The following AGBL2 variants were observed in gnomAD, a reference collection of about 807,000 sequenced individuals.
AGBL2 encodes cytosolic carboxypeptidase 2.
In AGBL2, 87 loss-of-function variants were observed where a neutral mutation model predicts 103.0. The observed-to-expected ratio is 0.84, with a 90% CI of 0.71 to 1.01. AGBL2 has a LOEUF of 1.01. AGBL2 is among the 50% of genes least tolerant of loss of function. The pLI, the probability that AGBL2 is intolerant of heterozygous loss-of-function variation, is 0.00. For missense variants in AGBL2, 904 were observed against 1,023.5 expected, an observed-to-expected ratio of 0.88 and a Z score of 1.59; for synonymous variants, 335 against 356.7, an observed-to-expected ratio of 0.94 and a Z score of 0.69.
Position 47,705,641 on chromosome 11 carries a change from CA to C in AGBL2, c.287-8del, listed in dbSNP as rs71228117. 0.09 allele frequency: 36,472 copies of C among 406,720 alleles called. 2 individuals are homozygous for C. Among genetic ancestry groups the C allele is most frequent in the South Asian group, 0.13 (4,248 of 31,484 alleles). 25.2% of individuals were successfully genotyped at this position (406,720 alleles called of 1,614,324 possible). ...CCCAGGCAAGAGTGAAAGTCTGTGTCAAAAAAAAAAAAAAAAGAAAAAGAAA... is the reference window on the plus strand; with the variant it reads ...CCCAGGCAAGAGTGAAAGTCTGTGTCAAAAAAAAAAAAAAAGAAAAAGAAA... On this transcript the variant is annotated splice_polypyrimidine_tract_variant and splice_region_variant and intron_variant, in intron 5 of 18. Coordinates refer to ENST00000525123, the MANE Select transcript of AGBL2 (RefSeq NM_024783.4).
rs372040697 is a variant in AGBL2 at position 47,690,411 on chromosome 11, A to G, written c.1296T>C (p.Asn432=). 6.2e-7 allele frequency: 1 copy of G among 1,614,044 alleles called. No homozygotes were observed. Among genetic ancestry groups the G allele is most frequent in the African/African-American group, 1.3e-5 (1 of 74,924 alleles). Residue 432 remains asparagine, a synonymous_variant, in exon 10 of 19, where the codon AAT becomes AAC. Coordinates refer to ENST00000525123, the MANE Select transcript of AGBL2 (RefSeq NM_024783.4). The part of the protein sequence containing the change: ...LQTLCRSLAG[N]TVYLLTITNP... ...TGGTGATGGTGAGCAAGTAAACGGTATTTCCTGCTAGGCTCCTGCATAAAG... is the reference window on the plus strand; with the variant it reads ...TGGTGATGGTGAGCAAGTAAACGGTGTTTCCTGCTAGGCTCCTGCATAAAG...
intron 6 of AGBL2, chr11:47,705,285 G>A (rs773201315): frequency 1.3e-5 from 2 of 151,366 alleles, no homozygotes; most frequent in Non-Finnish European, 2.9e-5. Context: ...GCAGAAGAGA[G>A]GAAGAGCTCT....
rs1599086029 is a variant in AGBL2 at position 47,705,585 on chromosome 11, C to A, written c.336G>T (p.Leu112=). The part of the protein sequence containing the change: ...GWMQWRGLSS[L]QPPPPRFKDS... The stretch of plus-strand genomic sequence containing the variant: ...CCTTGAATCTGGGAGGTGGAGGTTG[C>A]AGTGAGCTGAGGCCGCGCCACTGCA... Residue 112 remains leucine, a synonymous_variant, in exon 6 of 19, where the codon CTG becomes CTT. Coordinates refer to ENST00000525123, the MANE Select transcript of AGBL2 (RefSeq NM_024783.4). 2.1e-6 allele frequency: 1 copy of A among 474,806 alleles called. No homozygotes were observed. Among genetic ancestry groups the A allele is most frequent in the Admixed American group, 3.5e-5 (1 of 28,632 alleles). 29.4% of individuals were successfully genotyped at this position (474,806 alleles called of 1,614,324 possible). A position where few individuals can be genotyped will look rare whatever the true frequency, so the allele number is the denominator to read the frequency against.
intron 4 of AGBL2, among the ~76,000 whole-genome samples, chr11:47,708,858 G>A (rs1314365732): frequency 1.3e-5 from 2 of 149,990 alleles, no homozygotes; most frequent in African/African-American, 4.9e-5. Context: ...GTGTTGGCTC[G>A]CACCTGTAAT....
At chr11:47,685,870 A>G in intron 11 of AGBL2, 23 bp downstream of exon 11, 2 of 1,608,194 alleles carry the variant, frequency 1.2e-6, no homozygotes, top group East Asian at 2.2e-5. Flanking sequence ...CTCAATGGAG[A>G]GAAAATTACA....
chr11:47,713,808 C>G (rs991832289), intron 3 of AGBL2, among the ~76,000 whole-genome samples: 8 of 151,724 alleles, frequency 5.3e-5, no homozygotes, highest in Non-Finnish European at 1.0e-4. Context: ...CCAGGATGGT[C>G]TCGATCTCCT....
intron 15 of AGBL2, among the ~76,000 whole-genome samples, chr11:47,668,065 CG>C (rs2097346256): frequency 1.3e-5 from 2 of 151,912 alleles, no homozygotes; most frequent in Non-Finnish European, 2.9e-5. Flanking sequence ...TAAAATTAGC[CG>C]GGTGAGGTGG....
At chr11:47,704,755 A>C in intron 6 of AGBL2, 27 bp from the exon 7 acceptor site, 1 of 1,594,262 alleles carries the variant, frequency 6.3e-7, no homozygotes, top group Non-Finnish European at 8.6e-7. Context: ...GAGTAAGTGA[A>C]CATCTTCCTT....
rs748043244 is a variant in AGBL2, at chr11:47,690,477, C to A, written c.1230G>T (p.Val410=). ...ACTGAGACTGGATAGGGTTGTTTGCCACTGACAGGAGGTAGCATTGCAAAT... is the reference window on the plus strand; with the variant it reads ...ACTGAGACTGGATAGGGTTGTTTGCAACTGACAGGAGGTAGCATTGCAAAT... ...YTDLQCYLLS[V]ANNPIQSQFC... is the part of the protein sequence containing the mutation. The change falls in exon 10 of 19, where the codon GTG becomes GTT. Residue 410 remains valine, a synonymous_variant. Coordinates refer to ENST00000525123, the MANE Select transcript of AGBL2 (RefSeq NM_024783.4). 33 of 1,613,954 alleles carry A rather than the reference C, an allele frequency of 2.0e-5. No individual in the cohort carries two copies. The highest frequency in any genetic ancestry group is 2.5e-5 in the Non-Finnish European group (30 of 1,180,020).
At chr11:47,663,408 C>T in intron 17 of AGBL2, among the ~76,000 whole-genome samples, 1 of 152,124 alleles carries the variant, frequency 6.6e-6, no homozygotes, top group South Asian at 2.1e-4. Context: ...CTTAGTAACC[C>T]CAGGGTGGTC....
chr11:47,674,453 G>A (rs1269596173), intron 14 of AGBL2, among the ~76,000 whole-genome samples: 1 of 151,542 alleles, frequency 6.6e-6, no homozygotes, highest in Non-Finnish European at 1.5e-5. Flanking sequence ...TGTAGTCCCA[G>A]CTACTTGAGG....
Position 47,689,302 on chromosome 11 carries a change from A to ATT in AGBL2, c.1631+772_1631+773dup, listed in dbSNP as rs397741033. On this transcript the variant is annotated intron_variant, in intron 10 of 18. Coordinates refer to ENST00000525123, the MANE Select transcript of AGBL2 (RefSeq NM_024783.4). ...AGTTACTTAACCTACCCACTTCTCAATTTTTTTTTTTTTTTTTTTTGAGAT... is the reference window on the plus strand; with the variant it reads ...AGTTACTTAACCTACCCACTTCTCAATTTTTTTTTTTTTTTTTTTTTTGAGAT... Among the ~76,000 whole-genome samples the ATT allele has an allele frequency of 1.5e-3, 186 of 126,202 alleles. 5 individuals carry two copies. The highest frequency in any genetic ancestry group is 4.4e-3 in the Middle Eastern group (1 of 228). 82.8% of individuals were successfully genotyped at this position (126,202 alleles called of 152,430 possible).
chr11:47,693,127 GTTTC>G (rs1302317556), intron 8 of AGBL2, among the ~76,000 whole-genome samples: 1 of 151,814 alleles, frequency 6.6e-6, no homozygotes, highest in Non-Finnish European at 1.5e-5. Flanking sequence ...GCAGATACCT[GTTTC>G]TTTCTTTCTT....
At chr11:47,672,447 T>C (rs1287246807) in intron 14 of AGBL2, among the ~76,000 whole-genome samples, 3 of 152,220 alleles carry the variant, frequency 2.0e-5, no homozygotes, top group South Asian at 2.1e-4. Flanking sequence ...CCCAAGTAGC[T>C]GGGACAACAG....
intron 18 of AGBL2, among the ~76,000 whole-genome samples, chr11:47,662,365 G>C: frequency 6.6e-6 from 1 of 151,682 alleles, no homozygotes; most frequent in South Asian, 2.1e-4. Context: ...GTTGAGACAG[G>C]GTTTGGCCAT....
rs1035221345 is a variant in AGBL2 at position 47,663,158 on chromosome 11, G to A, written c.2449-46C>T. 5 of 1,202,286 alleles carry A rather than the reference G, an allele frequency of 4.2e-6. No homozygotes were observed. The African/African-American group carries it at 6.2e-5, about 15-fold the overall frequency. The allele number at this position is 1,202,286 out of a possible 1,614,324, so 74.5% of individuals were successfully genotyped here. On this transcript the variant is annotated intron_variant, in intron 17 of 18. Transcript: ENST00000525123. Reference sequence around the variant, plus strand: ...CTCACTAAATTTTCCACTTGAGCAAGTGTGATTACAGTGAATATACATTAT... The same window carrying A: ...CTCACTAAATTTTCCACTTGAGCAAATGTGATTACAGTGAATATACATTAT...
At chr11:47,687,841 T>C (rs897280737) in intron 10 of AGBL2, among the ~76,000 whole-genome samples, 1 of 146,388 alleles carries the variant, frequency 6.8e-6, no homozygotes, top group African/African-American at 2.5e-5. Context: ...ACAGTCTCAC[T>C]CTGTCACCTA....
intron 3 of AGBL2, chr11:47,711,029 G>C: frequency 2.9e-6 from 1 of 345,576 alleles, no homozygotes; most frequent in Non-Finnish European, 5.6e-6. Flanking sequence ...GTTTACCCAT[G>C]TAACAAACCT....
At chr11:47,692,049 G>T in intron 9 of AGBL2, 54 bp downstream of exon 9, 1 of 1,485,582 alleles carries the variant, frequency 6.7e-7, no homozygotes, top group Non-Finnish European at 9.1e-7. Context: ...TATCATTACT[G>T]AAGACACCTT....
Sources: gnomAD v4.1 joint callset for allele counts (sites outside exome capture counted in the v4.1 genomes callset) on GRCh38, gnomAD v4.1.1 for gene constraint, MANE v1.5 for transcripts, NCBI Gene and HGNC (gene_info 2026-07-23, HGNC 2026-07-21) for gene names.